The following IDH3A variants were observed in gnomAD, a reference collection of about 807,000 sequenced individuals.
The protein encoded by IDH3A is isocitrate dehydrogenase [NAD] subunit alpha, mitochondrial.
Under a neutral mutation model 43.3 loss-of-function variants are expected in IDH3A, and 23 were observed. The ratio of observed to expected loss-of-function variants is 0.53; its 90% CI spans 0.38 to 0.75. The LOEUF (loss-of-function observed/expected upper bound fraction) is 0.75. Among genes scored for constraint, IDH3A ranks in the 30% least tolerant of loss-of-function variants. IDH3A has a pLI of 0.00. For missense variants in IDH3A, 329 were observed against 474.4 expected (o/e 0.69, Z 2.85); for synonymous variants, 154 against 163.5 (o/e 0.94, Z 0.44).
At position 78,169,851 on chromosome 15, in the gene IDH3A, T is replaced by A. The variant is rs1162509666; in HGVS notation, c.*846T>A. 6.6e-6 allele frequency: 1 copy of A among 152,238 alleles called. No homozygotes were observed. The highest frequency in any genetic ancestry group is 2.1e-4 in the South Asian group (1 of 4,834). The allele number at this position is 152,238 out of a possible 1,614,324, so 9.4% of individuals were successfully genotyped here. A position where few individuals can be genotyped will look rare whatever the true frequency, so the allele number is the denominator to read the frequency against. The stretch of plus-strand genomic sequence containing the variant: ...AAGGGCTGAGTGTATTGTAAACTTA[T>A]TCTTGCATGTTGCTGTCTGGGAATG... On this transcript the variant is annotated 3_prime_UTR_variant, in exon 11 of 11. Transcript: ENST00000299518.
At chr15:78,157,952 C>T (rs992527855) in intron 3 of IDH3A, among the ~76,000 whole-genome samples, 2 of 151,942 alleles carry the variant, frequency 1.3e-5, no homozygotes, top group African/African-American at 4.8e-5. Flanking sequence ...CGTGAGCCAC[C>T]GCACCTGGCT....
rs943433115 is a variant in IDH3A, at chr15:78,162,193, G to A, written c.478-41G>A. ...ACCCTCTGTCTCCCACTGCGTTGCT[G>A]TCACACTCTTTCCAGCAAGGTGGGA... On this transcript the variant is annotated intron_variant, in intron 5 of 10. Transcript: ENST00000299518. 1.9e-6 allele frequency: 3 copies of A among 1,612,388 alleles called. No individual in the cohort carries two copies. In the African/African-American group the frequency reaches 4.0e-5, roughly 22 times the overall value.
chr15:78,166,283 C>G lies in IDH3A; in HGVS notation c.998C>G (p.Ala333Gly). ...HAARIEAACF[A>G]TIKDGKSLTK... ...GCAAGAATTGAGGCTGCGTGTTTTG[C>G]TACAATTAAGGACGGAAAGGTAACA... The change falls in exon 10 of 11, where the codon GCT (alanine) becomes GGT (glycine). Residue 333 changes from alanine to glycine, a missense_variant. Around this residue, in one of 3 missense-constraint regions of IDH3A, gnomAD observed 91 missense variants for 111.6 expected, o/e 0.82. Transcript: ENST00000299518. 6.2e-7 allele frequency: 1 copy of G among 1,614,116 alleles called. No individual in the cohort carries two copies. The highest frequency in any genetic ancestry group is 2.2e-5 in the East Asian group (1 of 44,872).
intron 10 of IDH3A, among the ~76,000 whole-genome samples, chr15:78,167,175 A>G (rs2074753917): frequency 6.6e-6 from 1 of 152,270 alleles, no homozygotes; most frequent in African/African-American, 2.4e-5. Flanking sequence ...ACTAATATTA[A>G]TTGAATACTT....
At chr15:78,150,798 A>G (rs184916097) in intron 1 of IDH3A, 1 of 152,332 alleles carries the variant, frequency 6.6e-6, no homozygotes, top group Admixed American at 6.5e-5. Flanking sequence ...TTTGTTCAAT[A>G]ACTAGATTCT....
intron 1 of IDH3A, among the ~76,000 whole-genome samples, chr15:78,151,813 G>A (rs1322004924): frequency 6.7e-6 from 1 of 148,742 alleles, no homozygotes; most frequent in African/African-American, 2.5e-5. Flanking sequence ...ATATATATAT[G>A]CATATGAGTA....
chr15:78,171,119 G>A lies in IDH3A; in HGVS notation c.*2114G>A. On this transcript the variant is annotated 3_prime_UTR_variant, in exon 11 of 11. Transcript: ENST00000299518. The stretch of plus-strand genomic sequence containing the variant: ...GCCTACTGCTGGCTGTCCTGTATGT[G>A]AGCTAGCAGCTTTTTAATCTACCTG... The A allele has an allele frequency of 4.8e-6, 1 of 210,264 alleles. No individual in the cohort carries two copies. Among genetic ancestry groups the A allele is most frequent in the Non-Finnish European group, 9.7e-6 (1 of 103,530 alleles). The allele number at this position is 210,264 out of a possible 1,614,324, so 13.0% of individuals were successfully genotyped here.
intron 1 of IDH3A, among the ~76,000 whole-genome samples, 172 bp downstream of exon 1, chr15:78,149,602 C>G (rs1245892585): frequency 6.6e-6 from 1 of 152,124 alleles, no homozygotes; most frequent in Non-Finnish European, 1.5e-5. Flanking sequence ...GCTCCGTGGC[C>G]GGCTCGCAGT....
intron 1 of IDH3A, among the ~76,000 whole-genome samples, chr15:78,152,357 C>CTTTTT (rs33914139): frequency 1.2e-5 from 1 of 80,714 alleles, no homozygotes; most frequent in East Asian, 3.3e-4. Flanking sequence ...TGCGCCCGGC[C>CTTTTT]TTTTTTTTTT....
At chr15:78,150,819 C>T (rs569397917) in intron 1 of IDH3A, 3 of 152,268 alleles carry the variant, frequency 2.0e-5, no homozygotes, top group South Asian at 2.1e-4. Flanking sequence ...ACTTTGTCAC[C>T]CTCTTCAGAC....
chr15:78,151,893 C>T (rs1363576118), intron 1 of IDH3A, among the ~76,000 whole-genome samples: 1 of 152,040 alleles, frequency 6.6e-6, no homozygotes, highest in South Asian at 2.1e-4. Context: ...TGCCACCATA[C>T]CTGGCTAACA....
intron 2 of IDH3A, chr15:78,157,195 T>C (rs1253158116): frequency 3.6e-6 from 4 of 1,116,400 alleles, no homozygotes; most frequent in South Asian, 4.5e-5. Context: ...TTGTTGTTGT[T>C]GTCTTTGGTT....
Position 78,171,419 on chromosome 15 carries a change from T to C in IDH3A, c.*2414T>C, listed in dbSNP as rs375386246. 81 of 1,600,782 alleles carry C rather than the reference T, an allele frequency of 5.1e-5. No homozygotes were observed. Among genetic ancestry groups the C allele is most frequent in the Non-Finnish European group, 6.6e-5 (77 of 1,168,230 alleles). ...CTCGGAACGCCTGCCCTCTATTCTA[T>C]AGAAACTGCAGGCATAGGCCCTGAT... On this transcript the variant is annotated 3_prime_UTR_variant, in exon 11 of 11. Transcript: ENST00000299518.
At position 78,164,987 on chromosome 15, in the gene IDH3A, G is replaced by A. The variant is rs747010119; in HGVS notation, c.780-5G>A. On this transcript the variant is annotated splice_region_variant and splice_polypyrimidine_tract_variant and intron_variant, in intron 8 of 10. Coordinates refer to ENST00000299518, the MANE Select transcript of IDH3A (RefSeq NM_005530.3). ...ACATTCTTTGAAATGCTTTTCTTCC[G>A]CTAGTGACTTGTGTGCAGGATTGAT... 35 of 1,609,426 alleles carry A rather than the reference G, an allele frequency of 2.2e-5. No homozygotes were observed. The highest frequency in any genetic ancestry group is 2.7e-5 in the African/African-American group (2 of 74,554).
At chr15:78,166,376 C>T in intron 10 of IDH3A, 74 bp downstream of exon 10, 1 of 1,449,922 alleles carries the variant, frequency 6.9e-7, no homozygotes, top group South Asian at 1.2e-5. Flanking sequence ...GTGAAAGGGA[C>T]AGTGACAGAT....
chr15:78,163,716 A>T lies in IDH3A; in HGVS notation c.715A>T (p.Met239Leu). Residue 239 changes from methionine to leucine, a missense_variant and splice_region_variant, in exon 8 of 11, where the codon ATG becomes TTG. Around this residue, in one of 3 missense-constraint regions of IDH3A, gnomAD observed 212 missense variants for 345.5 expected, o/e 0.61. Coordinates refer to ENST00000299518, the MANE Select transcript of IDH3A (RefSeq NM_005530.3). Reference protein sequence around the residue: ...EMYLDTVCLNMVQDPSQFDVL... With the variant: ...EMYLDTVCLNLVQDPSQFDVL... ...AAATGCACAAATGTATTCCTTGTAG[A>T]TGGTACAAGATCCTTCCCAATTTGA... 6.2e-7 allele frequency: 1 copy of T among 1,610,728 alleles called. No individual in the cohort carries two copies. Among genetic ancestry groups the T allele is most frequent in the Non-Finnish European group, 8.5e-7 (1 of 1,176,988 alleles).
At chr15:78,151,706 C>G (rs1243570706) in intron 1 of IDH3A, among the ~76,000 whole-genome samples, 1 of 152,006 alleles carries the variant, frequency 6.6e-6, no homozygotes, top group South Asian at 2.1e-4. Flanking sequence ...GGTTTTGGTC[C>G]AGGCTTCATG....
chr15:78,163,712 G>C lies in IDH3A; in HGVS notation c.715-4G>C. 3.7e-6 allele frequency: 6 copies of C among 1,611,556 alleles called. No individual in the cohort carries two copies. Among genetic ancestry groups the C allele is most frequent in the Non-Finnish European group, 5.1e-6 (6 of 1,177,750 alleles). ...TACTAAATGCACAAATGTATTCCTT[G>C]TAGATGGTACAAGATCCTTCCCAAT... On this transcript the variant is annotated splice_polypyrimidine_tract_variant and splice_region_variant and intron_variant, in intron 7 of 10. Coordinates refer to ENST00000299518, the MANE Select transcript of IDH3A (RefSeq NM_005530.3).
At chr15:78,152,583 C>G (rs553665333) in intron 1 of IDH3A, among the ~76,000 whole-genome samples, 3 of 148,412 alleles carry the variant, frequency 2.0e-5, no homozygotes, top group Admixed American at 2.0e-4. Flanking sequence ...TGGTCTTGAA[C>G]TCCTGACCTC....
Sources: gnomAD v4.1 joint callset for allele counts (sites outside exome capture counted in the v4.1 genomes callset) on GRCh38, gnomAD v4.1.1 for gene constraint, gnomAD v4.1.1 regional missense constraint, MANE v1.5 for transcripts, NCBI Gene and HGNC (gene_info 2026-07-23, HGNC 2026-07-21) for gene names.